The following MALRD1 variants were observed in gnomAD, a reference collection of about 807,000 sequenced individuals.
MALRD1 encodes MAM and LDL-receptor class A domain-containing protein 1.
In MALRD1, 247 loss-of-function variants were observed where a neutral mutation model predicts 242.1. The observed-to-expected ratio is 1.02, with a 90% CI of 0.92 to 1.13. The LOEUF (loss-of-function observed/expected upper bound fraction) is 1.13, where lower values mean the gene tolerates loss of function less well. Ranked by LOEUF, MALRD1 falls within the 50% of genes most tolerant of loss-of-function variation. The pLI is 0.00. For missense variants in MALRD1, 2,989 were observed against 2,533.1 expected (o/e 1.18, Z -3.86); for synonymous variants, 995 against 866.6 (o/e 1.15, Z -2.60).
chr10:19,704,361 C>G (rs1833762493), intron 38 of MALRD1, among the ~76,000 whole-genome samples: 1 of 152,150 alleles, frequency 6.6e-6, no homozygotes, highest in South Asian at 2.1e-4. Flanking sequence ...AGGACCCTCT[C>G]TCTGGCTTGC....
intron 38 of MALRD1, among the ~76,000 whole-genome samples, chr10:19,701,397 A>G (rs1302620735): frequency 6.6e-6 from 1 of 152,020 alleles, no homozygotes; most frequent in Non-Finnish European, 1.5e-5. Context: ...CAAATGTCAT[A>G]TATTCTCTTC....
chr10:19,707,774 C>T (rs1408791234), intron 38 of MALRD1, among the ~76,000 whole-genome samples: 2 of 99,368 alleles, frequency 2.0e-5, no homozygotes, highest in African/African-American at 6.3e-5. Context: ...CATGGTGAAA[C>T]CCCATCTGTA....
chr10:19,663,740 T>C (rs1299146528), intron 36 of MALRD1, among the ~76,000 whole-genome samples: 1 of 152,024 alleles, frequency 6.6e-6, no homozygotes, highest in Admixed American at 6.6e-5. Context: ...GGGAAACAGG[T>C]GAACTGCTTT....
intron 28 of MALRD1, among the ~76,000 whole-genome samples, chr10:19,443,495 T>C (rs1834786487): frequency 1.3e-5 from 2 of 152,246 alleles, no homozygotes; most frequent in African/African-American, 4.8e-5. Flanking sequence ...GCTTTAAATG[T>C]GTCCCAGAGA....
intron 21 of MALRD1, among the ~76,000 whole-genome samples, chr10:19,297,775 A>G (rs1841775807): frequency 6.6e-6 from 1 of 151,862 alleles, no homozygotes; most frequent in South Asian, 2.1e-4. Context: ...AAGGACCCGA[A>G]AGAAGATACA....
At chr10:19,551,638 G>C (rs138075847) in intron 32 of MALRD1, among the ~76,000 whole-genome samples, 2 of 152,202 alleles carry the variant, frequency 1.3e-5, no homozygotes, top group East Asian at 3.9e-4. Context: ...TTTGAGTACT[G>C]TGTTGAATAG....
chr10:19,533,302 T>G (rs1280455617), intron 32 of MALRD1, among the ~76,000 whole-genome samples: 1 of 152,140 alleles, frequency 6.6e-6, no homozygotes, highest in Non-Finnish European at 1.5e-5. Context: ...TGCTTACTGG[T>G]TTTTCTAACC....
chr10:19,216,952 AAAAAAAT>A (rs1240661254), intron 18 of MALRD1, among the ~76,000 whole-genome samples: 7 of 114,580 alleles, frequency 6.1e-5, no homozygotes, highest in African/African-American at 1.8e-4. Context: ...TCTCAAAAAA[AAAAAAAT>A]AAAAATAAAA....
At position 19,692,463 on chromosome 10, in the gene MALRD1, T is replaced by C. The variant is rs1442912331; in HGVS notation, c.6223T>C (p.Trp2075Arg). The C allele has an allele frequency of 5.2e-6, 8 of 1,535,532 alleles. No homozygotes were observed. In the East Asian group the frequency reaches 1.7e-4, roughly 33 times the overall value. ...TDFTYAQNNT[W>R]TLLGIGLAFL... Reference sequence around the variant, plus strand: ...TCTTTGGTTTAAAATTCCAGATACATGGACTCTCCTGGGTATTGGATTAGC... The same window carrying C: ...TCTTTGGTTTAAAATTCCAGATACACGGACTCTCCTGGGTATTGGATTAGC... The change falls in exon 38 of 40, where the codon TGG becomes CGG. Residue 2075 changes from tryptophan (W) to arginine (R), a missense_variant. Physicochemically the swap from Trp to Arg is moderately radical, Grantham distance 101. Transcript: ENST00000454679.
chr10:19,255,545 A>G (rs1381547834), intron 18 of MALRD1, among the ~76,000 whole-genome samples: 3 of 152,094 alleles, frequency 2.0e-5, no homozygotes, highest in Non-Finnish European at 4.4e-5. Flanking sequence ...AAGTGTGATT[A>G]TTATCAAAAA....
chr10:19,296,137 T>A (rs1210149476), intron 21 of MALRD1, among the ~76,000 whole-genome samples: 1 of 152,168 alleles, frequency 6.6e-6, no homozygotes, highest in Non-Finnish European at 1.5e-5. Flanking sequence ...AACAGCCATC[T>A]ATACTAGGCA....
intron 36 of MALRD1, among the ~76,000 whole-genome samples, chr10:19,657,935 G>A (rs1156920719): frequency 2.0e-5 from 3 of 152,024 alleles, no homozygotes; most frequent in Non-Finnish European, 4.4e-5. Context: ...ATCACCTGAG[G>A]TTGGGAGTTT....
rs1338726581 is a variant in MALRD1, at chr10:19,124,683, A to AC, written c.943+13_943+14insC. On this transcript the variant is annotated intron_variant, in intron 7 of 39. Transcript: ENST00000454679. ...GGTGATGATGAAGGTAGAAAAAAAA[A>AC]TAATATCTTTTATGTATTACTTTCA... The AC allele has an allele frequency of 4.9e-6, 6 of 1,233,290 alleles. No homozygotes were observed. Among genetic ancestry groups the AC allele is most frequent in the Non-Finnish European group, 6.1e-6 (6 of 987,938 alleles). 76.4% of individuals were successfully genotyped at this position (1,233,290 alleles called of 1,614,324 possible). A position where few individuals can be genotyped will look rare whatever the true frequency, so the allele number is the denominator to read the frequency against.
At chr10:19,624,789 C>T (rs927046839) in intron 36 of MALRD1, among the ~76,000 whole-genome samples, 4 of 150,570 alleles carry the variant, frequency 2.7e-5, no homozygotes, top group Non-Finnish European at 5.9e-5. Context: ...TCACCTGAAC[C>T]TGGGAGGTGG....
chr10:19,447,940 T>C (rs1339838541), intron 28 of MALRD1, among the ~76,000 whole-genome samples: 2 of 152,124 alleles, frequency 1.3e-5, no homozygotes, highest in East Asian at 3.9e-4. Flanking sequence ...GTCAGATTTG[T>C]TGTTGTTTTG....
intron 21 of MALRD1, among the ~76,000 whole-genome samples, chr10:19,315,607 T>C (rs1356683445): frequency 1.1e-5 from 1 of 91,952 alleles, no homozygotes; most frequent in African/African-American, 4.3e-5. Flanking sequence ...ATATAAATTA[T>C]AAATATTTAT....
intron 5 of MALRD1, among the ~76,000 whole-genome samples, chr10:19,113,792 T>TCCACACAC: frequency 7.4e-6 from 1 of 134,490 alleles, no homozygotes; most frequent in Non-Finnish European, 1.6e-5. Flanking sequence ...TACCACCCCC[T>TCCACACAC]ACACACACAC....
intron 29 of MALRD1, among the ~76,000 whole-genome samples, chr10:19,470,910 G>T (rs567289484): frequency 1.1e-4 from 16 of 151,758 alleles, no homozygotes; most frequent in Admixed American, 7.2e-4. Context: ...TGTGTTGATT[G>T]CTTCCTTTAC....
rs535345259 is a variant in MALRD1, at chr10:19,364,575, G to A, written c.4441+12278G>A. On this transcript the variant is annotated intron_variant, in intron 26 of 39. Transcript: ENST00000454679. ...AGCTAAAACTAAACTATTTTTTACCGTGTGAGCTCCTAAAATATGTTCTAG... is the reference window on the plus strand; with the variant it reads ...AGCTAAAACTAAACTATTTTTTACCATGTGAGCTCCTAAAATATGTTCTAG... Among the ~76,000 whole-genome samples, 31 of 152,102 alleles carry A rather than the reference G, an allele frequency of 2.0e-4. No individual in the cohort carries two copies. In the East Asian group the frequency reaches 5.0e-3, roughly 25 times the overall value.
Sources: gnomAD v4.1 joint callset for allele counts (sites outside exome capture counted in the v4.1 genomes callset) on GRCh38, gnomAD v4.1.1 for gene constraint, MANE v1.5 for transcripts, NCBI Gene and HGNC (gene_info 2026-07-23, HGNC 2026-07-21) for gene names.